The following CAPZB variants were observed in gnomAD, a reference collection of about 807,000 sequenced individuals.
CAPZB encodes capping actin protein of muscle Z-line subunit beta, also known as F-actin-capping protein subunit beta.
Under a neutral mutation model 38.1 loss-of-function variants are expected in CAPZB, and 2 were observed. That is an observed-to-expected ratio of 0.05 (90% CI 0.02 to 0.17). The LOEUF is 0.17. Among genes scored for constraint, CAPZB ranks in the 10% least tolerant of loss-of-function variants. The probability of loss-of-function intolerance (pLI) is 1.00; values close to 1 mark genes in which losing one functional copy is unlikely to be tolerated. For missense variants in CAPZB, 161 were observed against 334.2 expected (o/e 0.48, Z 4.04); for synonymous variants, 107 against 127.4 (o/e 0.84, Z 1.08).
chr1:19,344,500 C>A (rs2093950151), intron 7 of CAPZB, 66 bp from the exon 8 acceptor site: 1 of 1,246,056 alleles, frequency 8.0e-7, no homozygotes. Context: ...GCCCTCCCTC[C>A]ACCTGCCAGC....
At chr1:19,477,039 C>G (rs565526191) in intron 1 of CAPZB, among the ~76,000 whole-genome samples, 1 of 152,366 alleles carries the variant, frequency 6.6e-6, no homozygotes, top group Admixed American at 6.5e-5. Flanking sequence ...GTTTCCTTAT[C>G]TGCAAAATGA....
chr1:19,435,600 T>C (rs529276246), intron 1 of CAPZB, among the ~76,000 whole-genome samples: 23 of 152,374 alleles, frequency 1.5e-4, no homozygotes, highest in African/African-American at 5.3e-4. Context: ...TATTAAGCCA[T>C]TCTTCTAAGT....
chr1:19,463,809 G>A (rs964356465), intron 1 of CAPZB, among the ~76,000 whole-genome samples: 9 of 152,182 alleles, frequency 5.9e-5, no homozygotes, highest in African/African-American at 2.2e-4. Flanking sequence ...GTGGAGAAAC[G>A]TGGATAATAT....
At chr1:19,430,968 T>C (rs2094439887) in intron 1 of CAPZB, among the ~76,000 whole-genome samples, 1 of 152,202 alleles carries the variant, frequency 6.6e-6, no homozygotes, top group Non-Finnish European at 1.5e-5. Context: ...GAGCATTTTC[T>C]CTTGGGTGTG....
At chr1:19,477,110 G>A (rs1199202718) in intron 1 of CAPZB, among the ~76,000 whole-genome samples, 1 of 152,228 alleles carries the variant, frequency 6.6e-6, no homozygotes, top group East Asian at 1.9e-4. Flanking sequence ...TGGGCATCCG[G>A]TAAATACTGG....
intron 1 of CAPZB, among the ~76,000 whole-genome samples, chr1:19,453,290 C>T (rs189179003): frequency 0.015 from 2,259 of 152,156 alleles, 24 homozygotes; most frequent in Non-Finnish European, 0.024. Context: ...GAGTTGGGGT[C>T]TCACTTTGTC....
chr1:19,480,492 CTCAG>C (rs2094624104), intron 1 of CAPZB, among the ~76,000 whole-genome samples: 1 of 152,236 alleles, frequency 6.6e-6, no homozygotes, highest in African/African-American at 2.4e-5. Context: ...TCAGCTCTCA[CTCAG>C]TGTTTATGTA....
chr1:19,362,265 C>G (rs2094057236), intron 4 of CAPZB, among the ~76,000 whole-genome samples: 1 of 152,144 alleles, frequency 6.6e-6, no homozygotes, highest in Non-Finnish European at 1.5e-5. Flanking sequence ...GAGACAGAGT[C>G]TCGCTCTGTC....
rs561065562 is a variant in CAPZB, at chr1:19,393,785, A to ACCACAGC, written c.94-8166_94-8160dup. Among the ~76,000 whole-genome samples, 76 of 152,310 alleles carry ACCACAGC rather than the reference A, an allele frequency of 5.0e-4. 1 individual carries two copies. In the East Asian group the frequency reaches 8.7e-3, roughly 17 times the overall value. ...GCAGGGCTGGGCTCTCCTGCCCCTC[A>ACCACAGC]CCACAGCCCACAGCCCACAGCAGAT... On this transcript the variant is annotated intron_variant, in intron 2 of 8. Coordinates refer to ENST00000264202, the MANE Select transcript of CAPZB (RefSeq NM_004930.5).
chr1:19,353,594 T>C (rs2094003734), intron 6 of CAPZB, among the ~76,000 whole-genome samples: 1 of 152,030 alleles, frequency 6.6e-6, no homozygotes. Context: ...CAGGCCCTTG[T>C]CATCTCTCTC....
At chr1:19,404,406 C>T (rs556299528) in intron 2 of CAPZB, among the ~76,000 whole-genome samples, 12 of 151,808 alleles carry the variant, frequency 7.9e-5, no homozygotes, top group Middle Eastern at 3.4e-3. Context: ...TAGCCAGGCA[C>T]GGTGGTACAG....
At chr1:19,470,205 T>G (rs1426518396) in intron 1 of CAPZB, among the ~76,000 whole-genome samples, 1 of 151,966 alleles carries the variant, frequency 6.6e-6, no homozygotes, top group Non-Finnish European at 1.5e-5. Flanking sequence ...AGCAAAAGCA[T>G]GAGACGCTGT....
chr1:19,362,570 C>G (rs577396141), intron 4 of CAPZB, among the ~76,000 whole-genome samples: 3 of 152,142 alleles, frequency 2.0e-5, no homozygotes, highest in African/African-American at 4.8e-5. Flanking sequence ...GTGGCTCACA[C>G]CTGTAATCCT....
intron 3 of CAPZB, among the ~76,000 whole-genome samples, chr1:19,383,579 G>A (rs1570065200): frequency 6.6e-6 from 1 of 152,108 alleles, no homozygotes; most frequent in East Asian, 1.9e-4. Context: ...GCACCTGGAC[G>A]CCATGCTGTG....
chr1:19,421,699 T>C (rs1004833699), intron 1 of CAPZB, among the ~76,000 whole-genome samples: 3 of 152,230 alleles, frequency 2.0e-5, no homozygotes, highest in Admixed American at 6.5e-5. Context: ...GAGAGACATA[T>C]TCAATTCCCA....
intron 1 of CAPZB, among the ~76,000 whole-genome samples, chr1:19,425,780 T>C (rs2094420114): frequency 6.6e-6 from 1 of 152,132 alleles, no homozygotes; most frequent in South Asian, 2.1e-4. Context: ...TATTATGAAA[T>C]CATCTGCATA....
intron 1 of CAPZB, among the ~76,000 whole-genome samples, chr1:19,459,428 G>A (rs1418027995): frequency 6.6e-6 from 1 of 152,174 alleles, no homozygotes; most frequent in Non-Finnish European, 1.5e-5. Context: ...ACAATTCGGA[G>A]ATTAAAATAT....
intron 1 of CAPZB, among the ~76,000 whole-genome samples, chr1:19,461,825 T>C (rs1208346611): frequency 6.6e-6 from 1 of 152,192 alleles, no homozygotes; most frequent in East Asian, 1.9e-4. Flanking sequence ...GCCTCAGTTT[T>C]CTTGTCTCTA....
At chr1:19,376,793 G>A (rs537738422) in intron 4 of CAPZB, among the ~76,000 whole-genome samples, 1 of 152,330 alleles carries the variant, frequency 6.6e-6, no homozygotes, top group East Asian at 1.9e-4. Flanking sequence ...CAAGCACCCG[G>A]CTCATGGGAG....
Sources: gnomAD v4.1 joint callset for allele counts (sites outside exome capture counted in the v4.1 genomes callset) on GRCh38, gnomAD v4.1.1 for gene constraint, MANE v1.5 for transcripts, NCBI Gene and HGNC (gene_info 2026-07-23, HGNC 2026-07-21) for gene names.